FNTB: variants seen among roughly 807,000 people sequenced by gnomAD.
The protein encoded by FNTB is protein farnesyltransferase subunit beta.
FNTB carries 27 observed loss-of-function variants against 59.4 expected under a neutral mutation model. The ratio of observed to expected loss-of-function variants is 0.45; its 90% CI spans 0.34 to 0.63. FNTB has a LOEUF of 0.63. Ranked by LOEUF, FNTB falls within the 20% of genes least tolerant of loss-of-function variation. The probability of loss-of-function intolerance (pLI) is 0.02; values close to 1 mark genes in which losing one functional copy is unlikely to be tolerated. For missense variants in FNTB, 449 were observed against 559.6 expected (o/e 0.80, Z 1.99); for synonymous variants, 230 against 220.7 (o/e 1.04, Z -0.37).
rs955885010 is a variant in FNTB at position 64,997,110 on chromosome 14, A to G, written c.145-7139A>G. 2.6e-5 allele frequency among the ~76,000 whole-genome samples: 4 copies of G among 152,108 alleles called. No homozygotes were observed. The highest frequency in any genetic ancestry group is 9.7e-5 in the African/African-American group (4 of 41,406). On this transcript the variant is annotated intron_variant, in intron 1 of 11. Transcript: ENST00000246166. The surrounding 1 kb of genome is among the most constrained non-coding windows in gnomAD (Gnocchi z 4.5). ...TGATGGTCGTAATTTTGGAAAGACA[A>G]TCTCCCTTTAGAATTGTGAGAGGGT...
Position 65,044,484 on chromosome 14 carries a change from C to G in FNTB, c.955+41C>G. ...TGTTCACTTGGGGCTGGATGATTTC[C>G]CTCCACTACTCACAAAGTCTGGAAG... is the stretch of plus-strand genomic sequence containing the variant. On this transcript the variant is annotated intron_variant, in intron 9 of 11. Coordinates refer to ENST00000246166, the MANE Select transcript of FNTB (RefSeq NM_002028.4). The surrounding 1 kb of genome is among the most constrained non-coding windows in gnomAD (Gnocchi z 5.5). The G allele has an allele frequency of 1.9e-6, 3 of 1,573,872 alleles. No homozygotes were observed. The highest frequency in any genetic ancestry group is 2.6e-6 in the Non-Finnish European group (3 of 1,164,768).
In FNTB at chr14:64,997,264, A is replaced by G. The variant is rs906509543; in HGVS notation, c.145-6985A>G. 6.6e-6 allele frequency among the ~76,000 whole-genome samples: 1 copy of G among 152,128 alleles called. No individual in the cohort carries two copies. Among genetic ancestry groups the G allele is most frequent in the African/African-American group, 2.4e-5 (1 of 41,416 alleles). ...TGCAGAACCTAAGATTGGCTGTTTG[A>G]GATGTCTTTTCAGATTTTTGCATTT... On this transcript the variant is annotated intron_variant, in intron 1 of 11. Coordinates refer to ENST00000246166, the MANE Select transcript of FNTB (RefSeq NM_002028.4). The surrounding 1 kb of genome is among the most constrained non-coding windows in gnomAD (Gnocchi z 4.5).
chr14:65,021,525 T>C (rs1312492882), intron 4 of FNTB, among the ~76,000 whole-genome samples: 1 of 152,094 alleles, frequency 6.6e-6, no homozygotes. Flanking sequence ...CCTGGCCAGG[T>C]GCTGTTGGCA....
In FNTB at chr14:64,991,038, A is replaced by T. The variant is rs1389261648; in HGVS notation, c.144+3941A>T. 1.3e-5 allele frequency among the ~76,000 whole-genome samples: 2 copies of T among 152,102 alleles called. No homozygotes were observed. Among genetic ancestry groups the T allele is most frequent in the Non-Finnish European group, 2.9e-5 (2 of 68,008 alleles). On this transcript the variant is annotated intron_variant, in intron 1 of 11. Coordinates refer to ENST00000246166, the MANE Select transcript of FNTB (RefSeq NM_002028.4). The surrounding 1 kb of genome is among the most constrained non-coding windows in gnomAD (Gnocchi z 4.4). ...CATCTGGAATCATCCCATTGCAGAC[A>T]CTCTGATTCAGGCCAGTAGGTTAAT...
At chr14:65,033,564 T>A (rs2062127768) in intron 7 of FNTB, among the ~76,000 whole-genome samples, 1 of 152,118 alleles carries the variant, frequency 6.6e-6, no homozygotes, top group Admixed American at 6.6e-5. Context: ...ATTTCATAGT[T>A]TAAAAAAAGC....
In FNTB at chr14:65,062,517, G is replaced by C. The variant is rs543867685; in HGVS notation, c.*1205G>C. The C allele has an allele frequency of 6.6e-6, 1 of 152,670 alleles. No individual in the cohort carries two copies. The highest frequency in any genetic ancestry group is 2.4e-5 in the African/African-American group (1 of 41,442). The allele number at this position is 152,670 out of a possible 1,614,324, so 9.5% of individuals were successfully genotyped here. On this transcript the variant is annotated 3_prime_UTR_variant, in exon 12 of 12. Coordinates refer to ENST00000246166, the MANE Select transcript of FNTB (RefSeq NM_002028.4). The surrounding 1 kb of genome is among the most constrained non-coding windows in gnomAD (Gnocchi z 4.3). ...CTTCATGTAAGCAGCTGTGGGCTGC[G>C]GGCAGACAGGAGCTCAGAGATGCAG...
chr14:64,998,031 C>G (rs1888466749), intron 1 of FNTB, among the ~76,000 whole-genome samples: 1 of 152,150 alleles, frequency 6.6e-6, no homozygotes, highest in African/African-American at 2.4e-5. Context: ...TTCTGGTCTC[C>G]TGCACATTCA....
rs533081728 is a variant in FNTB, at chr14:65,028,467, G to A, written c.605+686G>A. 6.6e-6 allele frequency among the ~76,000 whole-genome samples: 1 copy of A among 152,262 alleles called. No individual in the cohort carries two copies. The highest frequency in any genetic ancestry group is 6.5e-5 in the Admixed American group (1 of 15,290). ...TGCCATTTTCTTATTATTTAGTTGA[G>A]AAATACATTTTGTGAGGTTTCTATA... On this transcript the variant is annotated intron_variant, in intron 6 of 11. Coordinates refer to ENST00000246166, the MANE Select transcript of FNTB (RefSeq NM_002028.4). The surrounding 1 kb of genome is among the most constrained non-coding windows in gnomAD (Gnocchi z 4.4).
Position 65,012,535 on chromosome 14 carries a change from G to A in FNTB, c.282+146G>A. ...TGGCTCTGGCAGGAGGTAGGGTGCTGTCACAGAGCTGGGACTCAGCCCTGA... is the reference window on the plus strand; with the variant it reads ...TGGCTCTGGCAGGAGGTAGGGTGCTATCACAGAGCTGGGACTCAGCCCTGA... On this transcript the variant is annotated intron_variant, in intron 3 of 11. Transcript: ENST00000246166. The surrounding 1 kb of genome is among the most constrained non-coding windows in gnomAD (Gnocchi z 5.0). 2 of 1,132,608 alleles carry A rather than the reference G, an allele frequency of 1.8e-6. No homozygotes were observed. The highest frequency in any genetic ancestry group is 1.5e-5 in the South Asian group (1 of 67,580). The allele number at this position is 1,132,608 out of a possible 1,614,324, so 70.2% of individuals were successfully genotyped here. A position where few individuals can be genotyped will look rare whatever the true frequency, so the allele number is the denominator to read the frequency against.
Position 65,021,019 on chromosome 14 carries a change from C to T in FNTB, c.374+5303C>T, listed in dbSNP as rs60830527. Among the ~76,000 whole-genome samples the T allele has an allele frequency of 8.9e-3, 1,360 of 152,304 alleles. 22 individuals carry two copies. The highest frequency in any genetic ancestry group is 0.081 in the East Asian group (422 of 5,194). The stretch of plus-strand genomic sequence containing the variant: ...TGTTGGGATTACAGATGTGAGCCAC[C>T]GCACCCGGCCTAGCTTCCCTCTTTT... On this transcript the variant is annotated intron_variant, in intron 4 of 11. Coordinates refer to ENST00000246166, the MANE Select transcript of FNTB (RefSeq NM_002028.4).
chr14:65,020,203 G>A (rs2061859149), intron 4 of FNTB, among the ~76,000 whole-genome samples: 1 of 152,214 alleles, frequency 6.6e-6, no homozygotes, highest in Admixed American at 6.5e-5. Flanking sequence ...TATGACCGCT[G>A]ACCAAAGCCA....
At position 65,012,140 on chromosome 14, in the gene FNTB, T is replaced by G. The variant is rs967695548; in HGVS notation, c.210-177T>G. 10 of 645,440 alleles carry G rather than the reference T, an allele frequency of 1.5e-5. No individual in the cohort carries two copies. The highest frequency in any genetic ancestry group is 2.9e-5 in the East Asian group (1 of 34,080). The allele number at this position is 645,440 out of a possible 1,614,324, so 40.0% of individuals were successfully genotyped here. On this transcript the variant is annotated intron_variant, in intron 2 of 11. Coordinates refer to ENST00000246166, the MANE Select transcript of FNTB (RefSeq NM_002028.4). This position sits in a 1 kb window ranked among gnomAD's most constrained non-coding sequence, Gnocchi z 5.0. Reference sequence around the variant, plus strand: ...CTTTAGAGACATTCAGACAAGAGCTTCTTTTCTCTGGTTTAGTTGCTCTTT... The same window carrying G: ...CTTTAGAGACATTCAGACAAGAGCTGCTTTTCTCTGGTTTAGTTGCTCTTT...
chr14:65,055,119 T>C (rs1364435190), intron 11 of FNTB, among the ~76,000 whole-genome samples: 4 of 152,252 alleles, frequency 2.6e-5, no homozygotes, highest in African/African-American at 9.6e-5. Context: ...GAGAATGAGA[T>C]CCCCAGAATG....
At chr14:64,999,713 A>T (rs2139468438) in intron 1 of FNTB, among the ~76,000 whole-genome samples, 1 of 152,304 alleles carries the variant, frequency 6.6e-6, no homozygotes, top group Middle Eastern at 3.4e-3. Flanking sequence ...AGAGAAATAT[A>T]CCAGAATATA....
intron 9 of FNTB, among the ~76,000 whole-genome samples, chr14:65,046,225 C>T (rs544599754): frequency 6.6e-6 from 1 of 151,996 alleles, no homozygotes; most frequent in East Asian, 2.0e-4. Flanking sequence ...ATCTGTCCGC[C>T]TTGGCCTCCC....
chr14:64,987,915 C>T (rs1398240205), intron 1 of FNTB, among the ~76,000 whole-genome samples: 2 of 152,222 alleles, frequency 1.3e-5, no homozygotes, highest in East Asian at 3.9e-4. Context: ...ACTGTTTATC[C>T]ATCTGTCCCT....
chr14:65,057,917 C>T (rs1261955069), intron 11 of FNTB, among the ~76,000 whole-genome samples: 3 of 152,156 alleles, frequency 2.0e-5, no homozygotes, highest in Admixed American at 6.5e-5. Context: ...GGTCTGTTTG[C>T]CTATCTGCAC....
chr14:65,025,465 A>G (rs139286355), intron 4 of FNTB, among the ~76,000 whole-genome samples: 9 of 152,318 alleles, frequency 5.9e-5, no homozygotes, highest in African/African-American at 2.2e-4. Context: ...AGAATTGATG[A>G]CGATTTGGAA....
chr14:65,005,929 C>G (rs1049985299), intron 2 of FNTB, among the ~76,000 whole-genome samples: 1 of 152,104 alleles, frequency 6.6e-6, no homozygotes, highest in Admixed American at 6.5e-5. Context: ...GGCACCTGGC[C>G]GAGAGAACAC....
Sources: allele counts gnomAD v4.1 joint callset (sites outside exome capture counted in the v4.1 genomes callset), GRCh38; gene constraint gnomAD v4.1.1; non-coding constraint Gnocchi (gnomAD v3.1); transcripts MANE v1.5; gene names NCBI Gene and HGNC (gene_info 2026-07-23, HGNC 2026-07-21).